Variants in ZNF420 observed in about 807,000 individuals in gnomAD.
ZNF420 encodes ATM and p53-associated KZNF protein.
ZNF420 carries 31 observed loss-of-function variants against 44.7 expected under a neutral mutation model. The observed-to-expected ratio is 0.69, with a 90% CI of 0.52 to 0.94. The LOEUF is 0.94. Among genes scored for constraint, ZNF420 ranks in the 40% least tolerant of loss-of-function variants. ZNF420 has a pLI of 0.00. For synonymous variants in ZNF420, 245 were observed against 267.4 expected, an observed-to-expected ratio of 0.92 and a Z score of 0.82; for missense variants, 681 against 827.9, an observed-to-expected ratio of 0.82 and a Z score of 2.18.
intron 1 of ZNF420, among the ~76,000 whole-genome samples, chr19:37,027,606 A>G (rs575936020): frequency 5.3e-5 from 8 of 152,228 alleles, no homozygotes; most frequent in Admixed American, 2.6e-4. Flanking sequence ...TCTGGCAACC[A>G]CTGAACTTTT....
At chr19:37,051,221 G>A (rs1290466077) in intron 1 of ZNF420, among the ~76,000 whole-genome samples, 1 of 152,160 alleles carries the variant, frequency 6.6e-6, no homozygotes, top group Non-Finnish European at 1.5e-5. Flanking sequence ...GTATCAGGAT[G>A]ATGCTGGCCT....
chr19:37,013,731 C>T (rs117866688), intron 1 of ZNF420, among the ~76,000 whole-genome samples: 1,709 of 152,312 alleles, frequency 0.011, 22 homozygotes, highest in Non-Finnish European at 0.016. Context: ...TTCATTGACT[C>T]ATCAGCCCAC....
intron 2 of ZNF420, among the ~76,000 whole-genome samples, chr19:37,087,738 C>T (rs956269316): frequency 5.3e-5 from 8 of 152,130 alleles, no homozygotes; most frequent in East Asian, 1.9e-4. Flanking sequence ...CTCCGCCTCC[C>T]GGGTTCACAC....
At position 37,067,366 on chromosome 19, in the gene ZNF420, G is replaced by C. The variant is rs150999338; in HGVS notation, c.-124-12979G>C. Among the ~76,000 whole-genome samples the C allele has an allele frequency of 2.1e-3, 312 of 152,130 alleles. 3 individuals are homozygous for C. Among genetic ancestry groups the C allele is most frequent in the African/African-American group, 7.3e-3 (304 of 41,518 alleles). On this transcript the variant is annotated intron_variant, in intron 1 of 4. Coordinates refer to the ZNF420 transcript ENST00000587029. ...TGGTATGCATGCTAAAGTATTTAGG[G>C]GTAAAGTATACGATGTCTACAACTA...
At chr19:37,067,812 C>T (rs2146450071) in intron 1 of ZNF420, among the ~76,000 whole-genome samples, 1 of 152,192 alleles carries the variant, frequency 6.6e-6, no homozygotes, top group South Asian at 2.1e-4. Flanking sequence ...AATAATGTCT[C>T]CATATGTGTG....
chr19:37,038,738 A>G (rs1967400522), intron 1 of ZNF420, among the ~76,000 whole-genome samples: 1 of 152,114 alleles, frequency 6.6e-6, no homozygotes. Context: ...GGATGATCTG[A>G]GCTTGGGAGT....
intron 1 of ZNF420, among the ~76,000 whole-genome samples, chr19:37,030,991 A>G (rs1967247630): frequency 6.6e-6 from 1 of 151,992 alleles, no homozygotes; most frequent in African/African-American, 2.4e-5. Context: ...AGTAGCTGGG[A>G]TTATAGGTGC....
chr19:37,060,152 C>G (rs1014782392), intron 1 of ZNF420, among the ~76,000 whole-genome samples: 4 of 152,116 alleles, frequency 2.6e-5, no homozygotes, highest in Non-Finnish European at 5.9e-5. Flanking sequence ...CCTGAGTGGT[C>G]TATTCTCTAG....
chr19:37,018,612 G>C (rs1284820055), intron 1 of ZNF420, among the ~76,000 whole-genome samples: 3 of 152,152 alleles, frequency 2.0e-5, no homozygotes, highest in African/African-American at 7.2e-5. Flanking sequence ...GTGTCGCCCA[G>C]GCTAGAGTGC....
intron 1 of ZNF420, among the ~76,000 whole-genome samples, chr19:37,011,180 C>T (rs1417724098): frequency 6.6e-6 from 1 of 152,188 alleles, no homozygotes; most frequent in Non-Finnish European, 1.5e-5. Flanking sequence ...AAGATCACTT[C>T]CCAGTCCAAC....
intron 1 of ZNF420, among the ~76,000 whole-genome samples, chr19:37,045,996 AC>A (rs777719000): frequency 9.9e-5 from 15 of 152,148 alleles, no homozygotes; most frequent in Non-Finnish European, 2.1e-4. Flanking sequence ...CAAGGCAGAA[AC>A]CCCTGATAAA....
At chr19:37,091,263 C>A in intron 4 of ZNF420, 142 bp downstream of exon 4, 1 of 842,768 alleles carries the variant, frequency 1.2e-6, no homozygotes, top group Non-Finnish European at 1.7e-6. Context: ...TGGAAGTAGA[C>A]ATGGTTTCTC....
intron 1 of ZNF420, among the ~76,000 whole-genome samples, chr19:37,030,069 G>A (rs867430056): frequency 1.3e-5 from 2 of 152,058 alleles, no homozygotes; most frequent in African/African-American, 2.4e-5. Flanking sequence ...TTCATCCTAC[G>A]TATCTGCTAC....
chr19:37,064,204 CTCTT>C (rs1476108225), intron 1 of ZNF420, among the ~76,000 whole-genome samples: 1 of 152,158 alleles, frequency 6.6e-6, no homozygotes, highest in Non-Finnish European at 1.5e-5. Context: ...TGTAAAATTA[CTCTT>C]TTTTTCCTTT....
intron 1 of ZNF420, among the ~76,000 whole-genome samples, chr19:37,039,379 T>A (rs1967413462): frequency 1.3e-5 from 2 of 152,160 alleles, no homozygotes; most frequent in Non-Finnish European, 2.9e-5. Flanking sequence ...ACAGAATAGA[T>A]GTTGTGTTGG....
intron 1 of ZNF420, among the ~76,000 whole-genome samples, chr19:37,071,644 T>G (rs769621650): frequency 7.9e-5 from 12 of 151,850 alleles, no homozygotes; most frequent in Non-Finnish European, 1.3e-4. Flanking sequence ...CTACTGAAAA[T>G]ACAAAAATTA....
intron 1 of ZNF420, chr19:37,008,166 T>A (rs1599587190): frequency 3.3e-6 from 1 of 302,764 alleles, no homozygotes; most frequent in African/African-American, 2.3e-5. Context: ...CACCCGAGGG[T>A]CGTTCTCACA....
chr19:37,009,591 G>A (rs1462215760), intron 1 of ZNF420, among the ~76,000 whole-genome samples: 2 of 152,170 alleles, frequency 1.3e-5, no homozygotes, highest in African/African-American at 4.8e-5. Flanking sequence ...CCTGGAAAGC[G>A]GTGGCGGCAC....
intron 2 of ZNF420, among the ~76,000 whole-genome samples, chr19:37,085,603 G>C (rs1426886638): frequency 6.6e-6 from 1 of 152,134 alleles, no homozygotes; most frequent in Non-Finnish European, 1.5e-5. Flanking sequence ...CCTAACCCAG[G>C]CACCTCCATT....
Sources: allele counts gnomAD v4.1 joint callset (sites outside exome capture counted in the v4.1 genomes callset), GRCh38; gene constraint gnomAD v4.1.1; transcripts MANE v1.5; gene names NCBI Gene and HGNC (gene_info 2026-07-23, HGNC 2026-07-21).